TSC22D1: variants seen among roughly 807,000 people sequenced by gnomAD.
TSC22D1 encodes the protein TSC22 domain family protein 1.
A neutral mutation model predicts 74.2 loss-of-function variants in TSC22D1; 9 were observed. The ratio of observed to expected loss-of-function variants is 0.12; its 90% CI spans 0.07 to 0.21. TSC22D1 has a LOEUF of 0.21. Among genes scored for constraint, TSC22D1 ranks in the 10% least tolerant of loss-of-function variants. TSC22D1 has a pLI of 1.00. For missense variants in TSC22D1, 1,427 were observed against 1,304.7 expected, an observed-to-expected ratio of 1.09 and a Z score of -1.44; for synonymous variants, 586 against 492.5, an observed-to-expected ratio of 1.19 and a Z score of -2.51.
intron 1 of TSC22D1, among the ~76,000 whole-genome samples, chr13:44,446,701 A>G (rs1875668345): frequency 6.6e-6 from 1 of 151,880 alleles, no homozygotes; most frequent in Admixed American, 6.6e-5. Context: ...ATCTTAAAAA[A>G]TGAAAAGATG....
intron 1 of TSC22D1, among the ~76,000 whole-genome samples, chr13:44,489,206 C>CAAAAAAAAAAA (rs34867283): frequency 2.2e-5 from 3 of 134,690 alleles, no homozygotes; most frequent in Non-Finnish European, 3.1e-5. Flanking sequence ...TCATTTCATG[C>CAAAAAAAAAAA]AAAAAAAAAA....
chr13:44,526,657 A>T (rs1469442669), intron 1 of TSC22D1, among the ~76,000 whole-genome samples: 7 of 152,258 alleles, frequency 4.6e-5, no homozygotes, highest in African/African-American at 1.7e-4. Flanking sequence ...AAAAAGGCAT[A>T]GCTGACTGGA....
rs181979131 is a variant in TSC22D1 at position 44,574,364 on chromosome 13, T to C, written c.1711A>G (p.Met571Val). 3.7e-5 allele frequency: 60 copies of C among 1,614,204 alleles called. No homozygotes were observed. In the East Asian group the frequency reaches 1.1e-3, roughly 30 times the overall value. ...GLQPVPLQAT[M>V]SAATGIQPSP... ...GGCTGGATACCAGTTGCAGCACTCA[T>C]AGTGGCTTGCAGAGGTACTGGCTGA... Residue 571 changes from methionine (M) to valine (V), a missense_variant, in exon 1 of 3, where the codon ATG (methionine) becomes GTG (valine). Physicochemically the swap from Met to Val is conservative, Grantham distance 21. Around this residue, in one of 3 missense-constraint regions of TSC22D1, gnomAD observed 1,343 missense variants for 1,191.5 expected, o/e 1.13. Coordinates refer to ENST00000458659, the MANE Select transcript of TSC22D1 (RefSeq NM_183422.4).
At chr13:44,441,063 A>G (rs1207237910) in intron 1 of TSC22D1, among the ~76,000 whole-genome samples, 1 of 152,218 alleles carries the variant, frequency 6.6e-6, no homozygotes, top group African/African-American at 2.4e-5. Context: ...AAAATGGAGG[A>G]GCAAATCAAG....
In TSC22D1 at chr13:44,432,294, G is replaced by A. The variant is rs1478617233; in HGVS notation, c.*2332C>T. The A allele has an allele frequency of 6.6e-6, 1 of 152,050 alleles. No individual in the cohort carries two copies. The allele number at this position is 152,050 out of a possible 1,614,324, so 9.4% of individuals were successfully genotyped here. Reference sequence around the variant, plus strand: ...CCACCATCTTAATACACTGACATGAGATTTTTCAAATTTTCCACGATTACC... The same window carrying A: ...CCACCATCTTAATACACTGACATGAAATTTTTCAAATTTTCCACGATTACC... On this transcript the variant is annotated 3_prime_UTR_variant, in exon 3 of 3. Transcript: ENST00000458659.
chr13:44,546,234 A>C (rs1881817389), intron 1 of TSC22D1, among the ~76,000 whole-genome samples: 1 of 152,186 alleles, frequency 6.6e-6, no homozygotes, highest in Non-Finnish European at 1.5e-5. Context: ...TATGATGAGA[A>C]ATAAGATTAT....
At chr13:44,533,858 T>C (rs912266922) in intron 1 of TSC22D1, among the ~76,000 whole-genome samples, 1 of 152,206 alleles carries the variant, frequency 6.6e-6, no homozygotes, top group Non-Finnish European at 1.5e-5. Flanking sequence ...CCAAGTTCTA[T>C]CACAAAGGAC....
intron 1 of TSC22D1, among the ~76,000 whole-genome samples, chr13:44,521,266 C>A (rs1880301924): frequency 6.6e-6 from 1 of 152,160 alleles, no homozygotes; most frequent in Non-Finnish European, 1.5e-5. Flanking sequence ...AGCTAAGAAA[C>A]CTAGGCAATT....
chr13:44,445,263 G>T (rs1461278351), intron 1 of TSC22D1, among the ~76,000 whole-genome samples: 1 of 146,870 alleles, frequency 6.8e-6, no homozygotes, highest in African/African-American at 2.5e-5. Flanking sequence ...AGAGCAAATC[G>T]ATTTTCCACA....
chr13:44,551,093 A>G (rs1311266941), intron 1 of TSC22D1, among the ~76,000 whole-genome samples: 1 of 151,858 alleles, frequency 6.6e-6, no homozygotes, highest in Admixed American at 6.6e-5. Flanking sequence ...GGGCAACAGA[A>G]TGGAATCCCA....
chr13:44,538,433 T>C, intron 1 of TSC22D1: 1 of 985,394 alleles, frequency 1.0e-6, no homozygotes, highest in Non-Finnish European at 1.2e-6. Flanking sequence ...AAAAAAACCA[T>C]TTCATTAAGT....
intron 1 of TSC22D1, chr13:44,436,639 C>G (rs375362034): frequency 1.2e-6 from 2 of 1,601,436 alleles, no homozygotes; most frequent in African/African-American, 1.4e-5. Flanking sequence ...GCAATTGCAG[C>G]CAAAAACACC....
At chr13:44,551,347 G>A (rs1882236480) in intron 1 of TSC22D1, among the ~76,000 whole-genome samples, 1 of 144,476 alleles carries the variant, frequency 6.9e-6, no homozygotes. Context: ...GTGTGACCCT[G>A]TCTCAAAAAC....
chr13:44,447,444 C>CT (rs1402330812), intron 1 of TSC22D1, among the ~76,000 whole-genome samples: 1 of 152,110 alleles, frequency 6.6e-6, no homozygotes, highest in Non-Finnish European at 1.5e-5. Flanking sequence ...AAATGCATTA[C>CT]TAGGCTTGAA....
chr13:44,533,670 G>A (rs1880981514), intron 1 of TSC22D1, among the ~76,000 whole-genome samples: 1 of 151,406 alleles, frequency 6.6e-6, no homozygotes. Flanking sequence ...GTAATCCCAG[G>A]TACTCGGGAG....
At chr13:44,509,417 T>G (rs1313942175) in intron 1 of TSC22D1, among the ~76,000 whole-genome samples, 28 of 152,194 alleles carry the variant, frequency 1.8e-4, no homozygotes. Flanking sequence ...GGCAGGCAGA[T>G]CACTTGAGGT....
chr13:44,488,372 G>GA (rs1314280837), intron 1 of TSC22D1, among the ~76,000 whole-genome samples: 1 of 152,090 alleles, frequency 6.6e-6, no homozygotes, highest in Non-Finnish European at 1.5e-5. Context: ...ATTTTATAAT[G>GA]ATTACATATT....
chr13:44,441,082 C>G (rs1018893954), intron 1 of TSC22D1, among the ~76,000 whole-genome samples: 1 of 152,014 alleles, frequency 6.6e-6, no homozygotes, highest in Non-Finnish European at 1.5e-5. Flanking sequence ...AGAAAAAAGG[C>G]AGGCATGGGA....
intron 1 of TSC22D1, among the ~76,000 whole-genome samples, chr13:44,487,332 C>G (rs143149294): frequency 6.6e-6 from 1 of 151,318 alleles, no homozygotes; most frequent in East Asian, 1.9e-4. Context: ...AACCCTGTCT[C>G]TACTAAAAAT....
Sources: gnomAD v4.1 joint callset for allele counts (sites outside exome capture counted in the v4.1 genomes callset) on GRCh38, gnomAD v4.1.1 for gene constraint, gnomAD v4.1.1 regional missense constraint, MANE v1.5 for transcripts, NCBI Gene and HGNC (gene_info 2026-07-23, HGNC 2026-07-21) for gene names.